Variants in PLA2R1 observed in about 807,000 individuals in gnomAD.
PLA2R1 encodes phospholipase A2 receptor 1, also known as secretory phospholipase A2 receptor.
PLA2R1 carries 158 observed loss-of-function variants against 195.9 expected under a neutral mutation model. That is an observed-to-expected ratio of 0.81 (90% CI 0.71 to 0.92). The LOEUF is 0.92. PLA2R1 is among the 40% of genes least tolerant of loss of function. The probability of loss-of-function intolerance (pLI) is 0.00; values close to 1 mark genes in which losing one functional copy is unlikely to be tolerated. For missense variants in PLA2R1, 1,626 were observed against 1,764.6 expected, an observed-to-expected ratio of 0.92 and a Z score of 1.41; for synonymous variants, 586 against 598.2, an observed-to-expected ratio of 0.98 and a Z score of 0.30.
At chr2:160,028,387 T>TGCTTCTA (rs1333217329) in intron 5 of PLA2R1, 26 bp from the exon 6 acceptor site, 1 of 1,561,028 alleles carries the variant, frequency 6.4e-7, no homozygotes, top group African/African-American at 1.4e-5. Context: ...GTGTCTTTAA[T>TGCTTCTA]ATTAGAAGCA....
chr2:160,053,692 A>G (rs1311578781), intron 1 of PLA2R1, among the ~76,000 whole-genome samples: 1 of 152,224 alleles, frequency 6.6e-6, no homozygotes, highest in Non-Finnish European at 1.5e-5. Context: ...CAGTCCCCCA[A>G]CTTCAATGCA....
At chr2:160,044,212 C>T (rs1438064160) in intron 2 of PLA2R1, among the ~76,000 whole-genome samples, 1 of 151,976 alleles carries the variant, frequency 6.6e-6, no homozygotes, top group Non-Finnish European at 1.5e-5. Context: ...AACCATGCTT[C>T]CCCACCAACC....
In PLA2R1 at chr2:160,015,636, A is replaced by G. The variant is rs149088561; in HGVS notation, c.1551+978T>C. ...CACCCTCGCCCCTGCCCCGTCTTCA[A>G]TATTTCATATCAGGTAGAGATTAAT... On this transcript the variant is annotated intron_variant, in intron 9 of 29. Transcript: ENST00000283243. 3.5e-4 allele frequency among the ~76,000 whole-genome samples: 54 copies of G among 152,326 alleles called. No homozygotes were observed. The East Asian group carries it at 0.01, about 29-fold the overall frequency.
intron 10 of PLA2R1, among the ~76,000 whole-genome samples, chr2:160,011,778 T>C (rs1692378130): frequency 6.6e-6 from 1 of 152,176 alleles, no homozygotes. Flanking sequence ...AACAAATTGA[T>C]AAAGGCTTTC....
rs1356766372 is a variant in PLA2R1, at chr2:159,936,828, G to C, written c.*4950C>G. ...GAGGCAAGTGTCCTGACCATAGCAGGCTTCGCATGATCAATAAATTAACTT... is the reference window on the plus strand; with the variant it reads ...GAGGCAAGTGTCCTGACCATAGCAGCCTTCGCATGATCAATAAATTAACTT... On this transcript the variant is annotated 3_prime_UTR_variant, in exon 30 of 30. Transcript: ENST00000283243. 1 of 152,198 alleles carries C rather than the reference G, an allele frequency of 6.6e-6. No individual in the cohort carries two copies. The highest frequency in any genetic ancestry group is 2.4e-5 in the African/African-American group (1 of 41,448). The allele number at this position is 152,198 out of a possible 1,614,324, so 9.4% of individuals were successfully genotyped here.
At chr2:159,970,708 T>C (rs1022985096) in intron 17 of PLA2R1, among the ~76,000 whole-genome samples, 1 of 152,124 alleles carries the variant, frequency 6.6e-6, no homozygotes, top group Admixed American at 6.6e-5. Context: ...CCCATTCAAA[T>C]AGAGAGACAC....
rs139686663 is a variant in PLA2R1, at chr2:160,042,126, T to C, written c.566A>G (p.His189Arg). ...CCGACCTTCACGGGTACATTCATGA[T>C]GCCACTGATGGTTATACTGGAAGGG... ...MFPFQYNHQW[H>R]HECTREGRED... Residue 189 changes from histidine to arginine, a missense_variant, in exon 3 of 30, where the codon CAT (histidine) becomes CGT (arginine). Coordinates refer to ENST00000283243, the MANE Select transcript of PLA2R1 (RefSeq NM_007366.5). The C allele has an allele frequency of 2.9e-4, 475 of 1,614,140 alleles. No homozygotes were observed. Among genetic ancestry groups the C allele is most frequent in the Non-Finnish European group, 3.7e-4 (437 of 1,179,914 alleles).
intron 1 of PLA2R1, among the ~76,000 whole-genome samples, chr2:160,057,923 C>T (rs1695674651): frequency 6.6e-6 from 1 of 152,160 alleles, no homozygotes; most frequent in Non-Finnish European, 1.5e-5. Flanking sequence ...CAGGAGTGAC[C>T]TTAGTCAATA....
intron 9 of PLA2R1, among the ~76,000 whole-genome samples, chr2:160,015,104 A>G (rs1389096978): frequency 6.6e-6 from 1 of 152,246 alleles, no homozygotes; most frequent in Non-Finnish European, 1.5e-5. Flanking sequence ...GACTTTGTCC[A>G]CACAATGAAT....
At chr2:159,996,625 T>G (rs1691229546) in intron 11 of PLA2R1, among the ~76,000 whole-genome samples, 1 of 152,134 alleles carries the variant, frequency 6.6e-6, no homozygotes. Flanking sequence ...TTGCTTCAAA[T>G]ATTGCTTCTT....
At chr2:159,927,114 A>G (rs1265593064), downstream of PLA2R1, among the ~76,000 whole-genome samples, 2 of 152,168 alleles carry the variant, frequency 1.3e-5, no homozygotes, top group African/African-American at 4.8e-5. Flanking sequence ...ACTTTGGAGG[A>G]ATAGCCATCA....
At chr2:159,975,928 G>T (rs937981745) in intron 17 of PLA2R1, 140 bp downstream of exon 17, 1 of 693,980 alleles carries the variant, frequency 1.4e-6, no homozygotes, top group African/African-American at 1.8e-5. Context: ...AAAATCTATG[G>T]CTTTACTGAA....
In PLA2R1 at chr2:160,022,776, C is replaced by T. The variant is rs1162053810; in HGVS notation, c.1183G>A (p.Glu395Lys). 1.2e-6 allele frequency: 2 copies of T among 1,613,734 alleles called. 1 individual carries two copies. Among genetic ancestry groups the T allele is most frequent in the Non-Finnish European group, 1.7e-6 (2 of 1,179,624 alleles). ...AGAGCCTCATGCCAGGTCTTTTCTT[C>T]TTTCTGAAGTTTGTAGCAATTACGA... ...YNRNCYKLQK[E>K]EKTWHEALRS... Residue 395 changes from glutamate to lysine, a missense_variant, in exon 7 of 30, where the codon GAA becomes AAA. By Grantham distance (56) the Glu-to-Lys change is moderately conservative. Transcript: ENST00000283243.
chr2:160,050,187 C>T (rs1007247857), intron 1 of PLA2R1, among the ~76,000 whole-genome samples: 1 of 152,008 alleles, frequency 6.6e-6, no homozygotes, highest in Non-Finnish European at 1.5e-5. Flanking sequence ...GAAAATAAAC[C>T]CAAATTTAAG....
intron 1 of PLA2R1, among the ~76,000 whole-genome samples, chr2:160,051,804 C>T (rs896979897): frequency 7.9e-5 from 12 of 152,138 alleles, no homozygotes; most frequent in African/African-American, 1.4e-4. Context: ...AAGAGATCCA[C>T]GGAAGAAAGT....
At chr2:159,985,051 A>T (rs377437632) in intron 12 of PLA2R1, among the ~76,000 whole-genome samples, 2 of 152,270 alleles carry the variant, frequency 1.3e-5, no homozygotes, top group South Asian at 4.1e-4. Flanking sequence ...CACACCATGC[A>T]TTTGTTGACA....
intron 23 of PLA2R1, among the ~76,000 whole-genome samples, chr2:159,952,298 A>G (rs1687789563): frequency 1.3e-5 from 2 of 152,194 alleles, no homozygotes; most frequent in Admixed American, 1.3e-4. Context: ...TGTGTTTATG[A>G]ACACGTGTTT....
chr2:160,028,883 C>T lies in PLA2R1; in HGVS notation c.922G>A (p.Gly308Arg), dbSNP rs1454737599. ...CAATTCAGATAGTTGAGCGGCGTTC[C>T]ATCAGACCACTGCCAGCCAGCGTGT... ...DEHAGWQWSD[G>R]TPLNYLNWSP... Residue 308 changes from glycine to arginine, a missense_variant, in exon 5 of 30, where the codon GGA (glycine) becomes AGA (arginine). By Grantham distance (125) the Gly-to-Arg change is moderately radical. Transcript: ENST00000283243. The T allele has an allele frequency of 6.2e-7, 1 of 1,612,664 alleles. No individual in the cohort carries two copies. The highest frequency in any genetic ancestry group is 8.5e-7 in the Non-Finnish European group (1 of 1,178,734).
chr2:160,057,478 T>C (rs555753368), intron 1 of PLA2R1, among the ~76,000 whole-genome samples: 1 of 152,352 alleles, frequency 6.6e-6, no homozygotes. Context: ...GCCTGACACG[T>C]GATCCTGGGC....
Sources: gnomAD v4.1 joint callset for allele counts (sites outside exome capture counted in the v4.1 genomes callset) on GRCh38, gnomAD v4.1.1 for gene constraint, MANE v1.5 for transcripts, NCBI Gene and HGNC (gene_info 2026-07-23, HGNC 2026-07-21) for gene names.